MGLL: variants seen among roughly 807,000 people sequenced by gnomAD.
MGLL encodes lysophospholipase homolog.
Under a neutral mutation model 29.1 loss-of-function variants are expected in MGLL, and 7 were observed. The observed-to-expected ratio is 0.24, with a 90% confidence interval of 0.14 to 0.45. The LOEUF (loss-of-function observed/expected upper bound fraction) is 0.45. MGLL is among the 20% of genes least tolerant of loss of function. MGLL has a pLI of 0.99. For missense variants in MGLL, 356 were observed against 413.6 expected, an observed-to-expected ratio of 0.86 and a Z score of 1.21; for synonymous variants, 148 against 168.3, an observed-to-expected ratio of 0.88 and a Z score of 0.93.
chr3:127,712,497 T>A (rs2075735752), intron 5 of MGLL: 1 of 152,248 alleles, frequency 6.6e-6, no homozygotes, highest in South Asian at 2.1e-4. Context: ...TTTTCTCAAA[T>A]GGTAGAAATC....
chr3:127,784,858 G>A (rs142978612), intron 2 of MGLL, among the ~76,000 whole-genome samples: 3 of 152,270 alleles, frequency 2.0e-5, no homozygotes, highest in East Asian at 1.9e-4. Context: ...CCAGCAAAGC[G>A]AAATCAAATC....
intron 2 of MGLL, among the ~76,000 whole-genome samples, chr3:127,815,988 G>A (rs1301531512): frequency 3.9e-5 from 6 of 152,218 alleles, no homozygotes; most frequent in Middle Eastern, 3.2e-3. Context: ...GCAAGGAGCC[G>A]TATGGGGTAG....
chr3:127,726,161 AAAG>A (rs1232217311), intron 3 of MGLL, among the ~76,000 whole-genome samples: 59 of 29,764 alleles, frequency 2.0e-3, no homozygotes, highest in Middle Eastern at 0.059. Context: ...AGAAAGAAAG[AAAG>A]AAAGAAAGAA....
chr3:127,750,056 C>A (rs1435460836), intron 3 of MGLL, among the ~76,000 whole-genome samples: 1 of 151,966 alleles, frequency 6.6e-6, no homozygotes, highest in Non-Finnish European at 1.5e-5. Flanking sequence ...TGACTTTTAC[C>A]CCGAGGGAGG....
chr3:127,805,848 T>A (rs1474505334), intron 2 of MGLL, among the ~76,000 whole-genome samples: 1 of 152,230 alleles, frequency 6.6e-6, no homozygotes, highest in East Asian at 1.9e-4. Context: ...TCTAGCAACG[T>A]GTCAGACAAA....
chr3:127,710,495 T>A (rs2075689153), intron 6 of MGLL, 81 bp downstream of exon 6: 9 of 1,254,100 alleles, frequency 7.2e-6, no homozygotes, highest in Middle Eastern at 4.2e-4. Flanking sequence ...CAGCAGAGAA[T>A]GCCAAGGCTG....
intron 6 of MGLL, 27 bp downstream of exon 6, chr3:127,710,549 C>T (rs2075690088): frequency 6.6e-6 from 10 of 1,522,938 alleles, no homozygotes; most frequent in Non-Finnish European, 8.9e-6. Context: ...ACCCAAGCTA[C>T]CCCTGGGGTT....
At position 127,727,443 on chromosome 3, in the gene MGLL, G is replaced by T. The variant is rs547197199; in HGVS notation, c.263-4877C>A. Among the ~76,000 whole-genome samples, 3 of 152,166 alleles carry T rather than the reference G, an allele frequency of 2.0e-5. No individual in the cohort carries two copies. In the South Asian group the frequency reaches 6.2e-4, roughly 32 times the overall value. On this transcript the variant is annotated intron_variant, in intron 3 of 7. Transcript: ENST00000265052. ...AATCAATGTTCTGGCTAGGCGCAGTGGCTCATGCCTGTAATCCCAGCACTT... is the reference window on the plus strand; with the variant it reads ...AATCAATGTTCTGGCTAGGCGCAGTTGCTCATGCCTGTAATCCCAGCACTT...
intron 7 of MGLL, among the ~76,000 whole-genome samples, chr3:127,692,668 C>T (rs565239451): frequency 2.6e-5 from 4 of 152,276 alleles, no homozygotes; most frequent in Admixed American, 6.5e-5. Context: ...CTGACCTCCA[C>T]GGGGTCCTCA....
At position 127,714,915 on chromosome 3, in the gene MGLL, G is replaced by A. The variant is rs115836877; in HGVS notation, c.511-4250C>T. Reference sequence around the variant, plus strand: ...GTTCTGTTCCTTCAATCCAGTTGGCGTATGGTAGCGGGCACAGCACACCCA... The same window carrying A: ...GTTCTGTTCCTTCAATCCAGTTGGCATATGGTAGCGGGCACAGCACACCCA... On this transcript the variant is annotated intron_variant, in intron 5 of 7. Transcript: ENST00000265052. Among the ~76,000 whole-genome samples the A allele has an allele frequency of 2.1e-3, 316 of 152,332 alleles. 2 individuals are homozygous for A. The highest frequency in any genetic ancestry group is 7.1e-3 in the African/African-American group (295 of 41,572).
chr3:127,735,699 A>G, intron 3 of MGLL: 1 of 1,597,486 alleles, frequency 6.3e-7, no homozygotes, highest in East Asian at 2.2e-5. Flanking sequence ...AAACAGCTGA[A>G]CATACCTGGC....
chr3:127,770,220 T>A (rs1260187534), intron 3 of MGLL, among the ~76,000 whole-genome samples: 1 of 152,012 alleles, frequency 6.6e-6, no homozygotes, highest in African/African-American at 2.4e-5. Context: ...CAGAGTCACA[T>A]CCTATTGCCC....
chr3:127,739,177 C>T (rs1432414223), intron 3 of MGLL, among the ~76,000 whole-genome samples: 1 of 152,156 alleles, frequency 6.6e-6, no homozygotes, highest in African/African-American at 2.4e-5. Context: ...GTGCAAAGAC[C>T]CCAGAATGAG....
chr3:127,818,594 C>T (rs534397803), intron 2 of MGLL, among the ~76,000 whole-genome samples: 22 of 152,180 alleles, frequency 1.4e-4, no homozygotes, highest in African/African-American at 5.3e-4. Flanking sequence ...ATGATGTTTA[C>T]CCTAACCCAA....
chr3:127,812,294 C>A (rs745645997), intron 2 of MGLL, among the ~76,000 whole-genome samples: 2 of 152,184 alleles, frequency 1.3e-5, no homozygotes. Flanking sequence ...TGTTGAGCTA[C>A]CCTTATTATG....
chr3:127,752,986 G>C (rs2076587487), intron 3 of MGLL, among the ~76,000 whole-genome samples: 1 of 152,024 alleles, frequency 6.6e-6, no homozygotes, highest in African/African-American at 2.4e-5. Context: ...ATTTTTTTCT[G>C]AGTCAATGGT....
chr3:127,713,503 C>T (rs1466358264), intron 5 of MGLL: 1 of 152,318 alleles, frequency 6.6e-6, no homozygotes, highest in African/African-American at 2.4e-5. Context: ...TGTAAGCCAG[C>T]TTCCTACCCA....
chr3:127,782,510 T>C (rs752307762), intron 2 of MGLL, among the ~76,000 whole-genome samples: 2 of 152,310 alleles, frequency 1.3e-5, no homozygotes, highest in African/African-American at 2.4e-5. Context: ...GTGAGGCTCA[T>C]GGGAGCTAAT....
intron 3 of MGLL, among the ~76,000 whole-genome samples, chr3:127,766,726 G>T (rs958799524): frequency 1.3e-5 from 2 of 152,080 alleles, no homozygotes; most frequent in Non-Finnish European, 2.9e-5. Context: ...AAAGATATTT[G>T]TAATGAGCTC....
Sources: allele counts gnomAD v4.1 joint callset (sites outside exome capture counted in the v4.1 genomes callset), GRCh38; gene constraint gnomAD v4.1.1; transcripts MANE v1.5; gene names NCBI Gene and HGNC (gene_info 2026-07-23, HGNC 2026-07-21).